The following CELF2 variants were observed in gnomAD, a reference collection of about 807,000 sequenced individuals.
CELF2 encodes the protein CUGBP Elav-like family member 2.
Under a neutral mutation model 62.6 loss-of-function variants are expected in CELF2, and 8 were observed. The ratio of observed to expected loss-of-function variants is 0.13; its 90% CI spans 0.07 to 0.23. CELF2 has a LOEUF of 0.23. CELF2 is among the 10% of genes least tolerant of loss of function. The pLI is 1.00. For synonymous variants in CELF2, 258 were observed against 250.0 expected (o/e 1.03, Z -0.30); for missense variants, 333 against 671.0 (o/e 0.50, Z 5.56).
intron 1 of CELF2, among the ~76,000 whole-genome samples, chr10:10,858,811 C>T (rs891212051): frequency 2.6e-5 from 4 of 151,000 alleles, no homozygotes; most frequent in African/African-American, 9.7e-5. Context: ...ATTTAAATAA[C>T]ATTATTCCTT....
chr10:10,813,538 A>G (rs1010117599), intron 1 of CELF2, among the ~76,000 whole-genome samples: 1 of 152,220 alleles, frequency 6.6e-6, no homozygotes, highest in Non-Finnish European at 1.5e-5. Context: ...ATGGCATGTA[A>G]TGCCGGCTCT....
At chr10:10,547,287 G>A in the CELF2 span, among the ~76,000 whole-genome samples, 1 of 152,202 alleles carries the variant, frequency 6.6e-6, no homozygotes, top group Non-Finnish European at 1.5e-5. Context: ...CCAGCCACCT[G>A]ACCCACAGTG....
chr10:10,504,463 C>A, the CELF2 span, among the ~76,000 whole-genome samples: 1 of 152,118 alleles, frequency 6.6e-6, no homozygotes, highest in Non-Finnish European at 1.5e-5. Context: ...GGTAAGGCAT[C>A]ATTTTTACTC....
intron 1 of CELF2, among the ~76,000 whole-genome samples, chr10:11,090,864 A>G (rs528559047): frequency 6.6e-6 from 1 of 152,350 alleles, no homozygotes; most frequent in African/African-American, 2.4e-5. Flanking sequence ...TAAAAATCAT[A>G]TGTGCATATG....
At chr10:11,206,709 C>T (rs1421189929) in intron 2 of CELF2, among the ~76,000 whole-genome samples, 2 of 152,224 alleles carry the variant, frequency 1.3e-5, no homozygotes, top group African/African-American at 4.8e-5. Flanking sequence ...TTCATTCTTC[C>T]TTACCTTCAG....
intron 1 of CELF2, among the ~76,000 whole-genome samples, chr10:10,831,282 G>T (rs1314654556): frequency 6.6e-6 from 1 of 152,184 alleles, no homozygotes; most frequent in Admixed American, 6.5e-5. Context: ...AGATTCCCTG[G>T]TGTTTACTCC....
the CELF2 span, among the ~76,000 whole-genome samples, chr10:10,768,375 G>T: frequency 9.2e-5 from 14 of 151,932 alleles, no homozygotes; most frequent in African/African-American, 3.4e-4. Flanking sequence ...CAACGTGTTC[G>T]CAGGTTACAG....
intron 1 of CELF2, among the ~76,000 whole-genome samples, chr10:10,834,194 C>T (rs546798745): frequency 1.3e-5 from 2 of 152,276 alleles, no homozygotes; most frequent in East Asian, 1.9e-4. Context: ...TCATCCTTAG[C>T]GAAGTAACTC....
intron 1 of CELF2, among the ~76,000 whole-genome samples, chr10:11,007,588 C>T (rs1484020540): frequency 1.3e-5 from 2 of 152,094 alleles, no homozygotes; most frequent in Admixed American, 6.5e-5. Context: ...GTCTTACTTG[C>T]GATGGGATCG....
chr10:10,662,388 C>T, the CELF2 span, among the ~76,000 whole-genome samples: 1 of 152,184 alleles, frequency 6.6e-6, no homozygotes, highest in African/African-American at 2.4e-5. Flanking sequence ...GAGTTAAAAA[C>T]TCAGCAGCAG....
the CELF2 span, among the ~76,000 whole-genome samples, chr10:10,517,634 G>A: frequency 1.3e-5 from 2 of 152,258 alleles, no homozygotes; most frequent in Admixed American, 1.3e-4. Context: ...GGTCTTAGGA[G>A]GCAATTTTCC....
chr10:11,136,718 G>T (rs2060495346), intron 1 of CELF2, among the ~76,000 whole-genome samples: 1 of 152,192 alleles, frequency 6.6e-6, no homozygotes. Flanking sequence ...CAGTGTTCCG[G>T]CTGTCACTAG....
At chr10:10,790,428 G>A in the CELF2 span, among the ~76,000 whole-genome samples, 18 of 152,006 alleles carry the variant, frequency 1.2e-4, no homozygotes, top group Non-Finnish European at 2.4e-4. Context: ...GGAAATGCTT[G>A]CATAGTTTCT....
chr10:10,519,972 C>T, the CELF2 span, among the ~76,000 whole-genome samples: 1 of 152,174 alleles, frequency 6.6e-6, no homozygotes, highest in Admixed American at 6.5e-5. Context: ...GGATGGCTGT[C>T]CTCCTGCCCA....
At chr10:10,607,306 G>C in the CELF2 span, among the ~76,000 whole-genome samples, 2 of 151,628 alleles carry the variant, frequency 1.3e-5, no homozygotes, top group Non-Finnish European at 2.9e-5. Context: ...TAAAGAAAAT[G>C]TTAAAAAAAA....
intron 2 of CELF2, among the ~76,000 whole-genome samples, chr10:10,964,704 A>G (rs2049927299): frequency 6.6e-6 from 1 of 152,248 alleles, no homozygotes; most frequent in African/African-American, 2.4e-5. Context: ...TTTAAACTGA[A>G]TGTGAACCTT....
At chr10:11,019,916 G>A (rs1027097129) in intron 1 of CELF2, among the ~76,000 whole-genome samples, 1 of 152,098 alleles carries the variant, frequency 6.6e-6, no homozygotes, top group Non-Finnish European at 1.5e-5. Flanking sequence ...TGAAGAATTC[G>A]CCTAATCATG....
chr10:10,512,401 C>CTTTTTTTTTTTTTTTTTTTT, the CELF2 span, among the ~76,000 whole-genome samples: 1 of 109,148 alleles, frequency 9.2e-6, no homozygotes, highest in Non-Finnish European at 1.8e-5. Context: ...TTTTGGAACG[C>CTTTTTTTTTTTTTTTTTTTT]TTTTTTTTTT....
rs1196498147 is a variant in CELF2 at position 11,008,459 on chromosome 10, C to T, written c.53+3019C>T. On this transcript the variant is annotated intron_variant, in intron 1 of 12. Transcript: ENST00000416382. This position sits in a 1 kb window ranked among gnomAD's most constrained non-coding sequence, Gnocchi z 4.5. ...GAGGGTATACATTTGCAAAAATCTC[C>T]TTTTGGGGCTGAAAAACGAAAGTGA... is the stretch of plus-strand genomic sequence containing the variant. 6.6e-6 allele frequency among the ~76,000 whole-genome samples: 1 copy of T among 152,054 alleles called. No individual in the cohort carries two copies. Among genetic ancestry groups the T allele is most frequent in the Non-Finnish European group, 1.5e-5 (1 of 68,016 alleles).
Sources: allele counts gnomAD v4.1 joint callset (sites outside exome capture counted in the v4.1 genomes callset), GRCh38; gene constraint gnomAD v4.1.1; non-coding constraint Gnocchi (gnomAD v3.1); transcripts MANE v1.5; gene names NCBI Gene and HGNC (gene_info 2026-07-23, HGNC 2026-07-21).